The following ANO6 variants were observed in gnomAD, a reference collection of about 807,000 sequenced individuals.
ANO6 encodes anoctamin-6.
In ANO6, 106 loss-of-function variants were observed where a neutral mutation model predicts 117.5. The observed-to-expected ratio is 0.90, with a 90% CI of 0.77 to 1.06. The LOEUF (loss-of-function observed/expected upper bound fraction) is 1.06, where lower values mean the gene tolerates loss of function less well. Ranked by LOEUF, ANO6 falls within the 50% of genes least tolerant of loss-of-function variation. ANO6 has a pLI of 0.00. For synonymous variants in ANO6, 367 were observed against 385.1 expected, an observed-to-expected ratio of 0.95 and a Z score of 0.55; for missense variants, 955 against 1,121.1, an observed-to-expected ratio of 0.85 and a Z score of 2.12.
intron 1 of ANO6, among the ~76,000 whole-genome samples, chr12:45,260,084 T>C (rs1250356131): frequency 2.0e-5 from 3 of 152,258 alleles, no homozygotes; most frequent in Non-Finnish European, 4.4e-5. Context: ...GAATTGTTGA[T>C]AATTCTTTTC....
intron 1 of ANO6, among the ~76,000 whole-genome samples, chr12:45,225,058 C>T (rs1314002676): frequency 6.6e-6 from 1 of 151,960 alleles, no homozygotes; most frequent in East Asian, 1.9e-4. Context: ...GGGCATGGCA[C>T]ATGCCTGTGG....
At chr12:45,324,668 A>G (rs1473567233) in intron 2 of ANO6, among the ~76,000 whole-genome samples, 3 of 152,208 alleles carry the variant, frequency 2.0e-5, no homozygotes, top group African/African-American at 7.2e-5. Flanking sequence ...TTGTACCAGG[A>G]AAAACCCTTA....
Position 45,296,812 on chromosome 12 carries a change from G to A in ANO6, c.71-5202G>A, listed in dbSNP as rs576549913. 3.2e-4 allele frequency among the ~76,000 whole-genome samples: 48 copies of A among 152,198 alleles called. No homozygotes were observed. The South Asian group carries it at 9.9e-3, about 32-fold the overall frequency. On this transcript the variant is annotated intron_variant, in intron 1 of 19. Transcript: ENST00000320560. ...AATTATTCTTCATCTGTGAAAACGA[G>A]GGACAAAAATAGGATTAAATAAGAT...
At chr12:45,365,821 T>A (rs979877390) in intron 8 of ANO6, among the ~76,000 whole-genome samples, 2 of 152,200 alleles carry the variant, frequency 1.3e-5, no homozygotes, top group Non-Finnish European at 2.9e-5. Context: ...AAGCACTTGC[T>A]CCTCAGATGA....
chr12:45,253,519 A>G (rs1302027842), intron 1 of ANO6, among the ~76,000 whole-genome samples: 1 of 152,244 alleles, frequency 6.6e-6, no homozygotes, highest in Non-Finnish European at 1.5e-5. Context: ...ATGACTGTAA[A>G]TTAGAAGATA....
intron 12 of ANO6, among the ~76,000 whole-genome samples, chr12:45,398,583 A>T (rs1256154499): frequency 6.6e-6 from 1 of 152,248 alleles, no homozygotes; most frequent in Non-Finnish European, 1.5e-5. Flanking sequence ...TCACATACTT[A>T]TCACAACATT....
chr12:45,370,453 A>G (rs1180667911), intron 9 of ANO6, among the ~76,000 whole-genome samples: 4 of 152,164 alleles, frequency 2.6e-5, no homozygotes, highest in Non-Finnish European at 5.9e-5. Context: ...TTCCATTGAC[A>G]TTTTCTCAAA....
intron 3 of ANO6, among the ~76,000 whole-genome samples, chr12:45,346,814 G>A (rs1237147541): frequency 2.6e-5 from 4 of 152,122 alleles, no homozygotes; most frequent in African/African-American, 4.8e-5. Context: ...TACCCTCCAC[G>A]GCATTCTCTT....
chr12:45,231,978 A>G (rs986118667), intron 1 of ANO6, among the ~76,000 whole-genome samples: 1 of 152,196 alleles, frequency 6.6e-6, no homozygotes, highest in Non-Finnish European at 1.5e-5. Flanking sequence ...TGGCAAAGAA[A>G]AAAATCATCT....
chr12:45,228,725 G>A (rs1947527783), intron 1 of ANO6, among the ~76,000 whole-genome samples: 1 of 152,140 alleles, frequency 6.6e-6, no homozygotes, highest in Admixed American at 6.5e-5. Flanking sequence ...CAGTCAGGTA[G>A]CACCTGGGGG....
At chr12:45,280,868 T>A (rs544568147) in intron 1 of ANO6, among the ~76,000 whole-genome samples, 369 of 145,566 alleles carry the variant, frequency 2.5e-3, no homozygotes, top group African/African-American at 8.1e-3. Flanking sequence ...ATATGTGTTT[T>A]TATATATATA....
chr12:45,281,500 G>A (rs575929738), intron 1 of ANO6, among the ~76,000 whole-genome samples: 1 of 152,258 alleles, frequency 6.6e-6, no homozygotes, highest in South Asian at 2.1e-4. Flanking sequence ...GAAGGCGAAG[G>A]GGAGGCAGCA....
At chr12:45,249,798 T>TTAAAGGGCTTGGTACA (rs1592870749) in intron 1 of ANO6, among the ~76,000 whole-genome samples, 1 of 152,386 alleles carries the variant, frequency 6.6e-6, no homozygotes, top group East Asian at 1.9e-4. Flanking sequence ...GCGCTAGCCC[T>TTAAAGGGCTTGGTACA]GTGTATGCCA....
intron 10 of ANO6, among the ~76,000 whole-genome samples, chr12:45,384,481 G>A (rs1287680662): frequency 6.6e-6 from 1 of 152,212 alleles, no homozygotes; most frequent in Non-Finnish European, 1.5e-5. Flanking sequence ...TAAAGTGAGA[G>A]ATGTGTGAGT....
At chr12:45,225,655 A>AT (rs1947471662) in intron 1 of ANO6, among the ~76,000 whole-genome samples, 1 of 151,854 alleles carries the variant, frequency 6.6e-6, no homozygotes, top group African/African-American at 2.4e-5. Flanking sequence ...CGCCCGGCTA[A>AT]TTTTTTTGTA....
intron 1 of ANO6, among the ~76,000 whole-genome samples, chr12:45,264,116 C>T (rs1938136958): frequency 6.6e-6 from 1 of 152,180 alleles, no homozygotes; most frequent in Non-Finnish European, 1.5e-5. Context: ...GGTTATAGCT[C>T]ATATCTCTTG....
intron 2 of ANO6, among the ~76,000 whole-genome samples, chr12:45,304,730 T>A (rs566130153): frequency 6.6e-6 from 1 of 152,358 alleles, no homozygotes; most frequent in East Asian, 1.9e-4. Context: ...TTTCTGTTTT[T>A]CTTTCCTTTG....
chr12:45,255,067 A>G (rs987941981), intron 1 of ANO6, among the ~76,000 whole-genome samples: 4 of 152,224 alleles, frequency 2.6e-5, no homozygotes, highest in South Asian at 2.1e-4. Flanking sequence ...TTGCATGTCT[A>G]TATTATCAAA....
At chr12:45,398,502 A>T (rs906525437) in intron 12 of ANO6, among the ~76,000 whole-genome samples, 1 of 152,200 alleles carries the variant, frequency 6.6e-6, no homozygotes, top group African/African-American at 2.4e-5. Flanking sequence ...ATATGCTTTA[A>T]TCCACTAATT....
Sources: gnomAD v4.1 joint callset for allele counts (sites outside exome capture counted in the v4.1 genomes callset) on GRCh38, gnomAD v4.1.1 for gene constraint, MANE v1.5 for transcripts, NCBI Gene and HGNC (gene_info 2026-07-23, HGNC 2026-07-21) for gene names.